The following CYREN variants were observed in gnomAD, a reference collection of about 807,000 sequenced individuals.
CYREN encodes the protein cell cycle regulator of non-homologous end joining.
CYREN carries 7 observed loss-of-function variants against 9.7 expected under a neutral mutation model. The ratio of observed to expected loss-of-function variants is 0.72; its 90% confidence interval spans 0.41 to 1.36. CYREN has a LOEUF of 1.36. Among genes scored for constraint, CYREN ranks in the 40% most tolerant of loss-of-function variants. CYREN has a pLI of 0.01. For missense variants in CYREN, 215 were observed against 198.1 expected (o/e 1.09, Z -0.51); for synonymous variants, 76 against 77.9 (o/e 0.98, Z 0.13).
Position 135,103,025 on chromosome 7 carries a change from C to T in CYREN, n.357-8443G>A, listed in dbSNP as rs532469057. Among the ~76,000 whole-genome samples, 10 of 152,284 alleles carry T rather than the reference C, an allele frequency of 6.6e-5. No homozygotes were observed. The East Asian group carries it at 1.9e-3, about 29-fold the overall frequency. ...TTACCAAATGTACAACCAATAAAGG[C>T]CTTGTTTTATACCTATGTCATTTCT... On this transcript the variant is annotated intron_variant and non_coding_transcript_variant, in intron 2 of 2. Transcript: ENST00000459937.
chr7:135,131,200 A>T lies in CYREN; in HGVS notation n.357-36618T>A, dbSNP rs567044773. ...AGCTGGAAGCCATCATCTTCAGCAAACTTAATACAGGAACAGAAAACCAAA... is the reference window on the plus strand; with the variant it reads ...AGCTGGAAGCCATCATCTTCAGCAATCTTAATACAGGAACAGAAAACCAAA... On this transcript the variant is annotated intron_variant and non_coding_transcript_variant, in intron 2 of 2. Transcript: ENST00000459937. Among the ~76,000 whole-genome samples the T allele has an allele frequency of 2.5e-4, 38 of 152,310 alleles. No homozygotes were observed. The South Asian group carries it at 5.4e-3, about 22-fold the overall frequency.
intron 2 of CYREN, among the ~76,000 whole-genome samples, chr7:135,130,710 G>A (rs1828621182): frequency 6.6e-6 from 1 of 152,034 alleles, no homozygotes; most frequent in African/African-American, 2.4e-5. Flanking sequence ...AGTATAACCT[G>A]TCTATACCAC....
chr7:135,112,778 ATTTTTATT>A, intron 2 of CYREN, among the ~76,000 whole-genome samples: 1 of 152,234 alleles, frequency 6.6e-6, no homozygotes, highest in South Asian at 2.1e-4. Flanking sequence ...CTGAATGTTT[ATTTTTATT>A]TTTTTGAGAT....
chr7:135,104,185 G>C (rs1369842478), intron 2 of CYREN, among the ~76,000 whole-genome samples: 1 of 151,980 alleles, frequency 6.6e-6, no homozygotes, highest in Non-Finnish European at 1.5e-5. Flanking sequence ...TTCTGTTCCT[G>C]TGCTAGTTTG....
intron 2 of CYREN, among the ~76,000 whole-genome samples, chr7:135,104,368 T>C (rs1824325343): frequency 6.6e-6 from 1 of 152,218 alleles, no homozygotes; most frequent in Non-Finnish European, 1.5e-5. Context: ...ACAATAGCAA[T>C]GAATAGCGTT....
At chr7:135,093,937 A>G (rs1822248100) in exon 3 of CYREN, 1 of 160,424 alleles carries the variant, frequency 6.2e-6, no homozygotes. Context: ...ATGTAAATAA[A>G]CCTTTATATA....
chr7:135,167,042 CT>C (rs1390269748), intron 3 of CYREN, 171 bp from the exon 4 acceptor site: 56 of 985,048 alleles, frequency 5.7e-5, no homozygotes, highest in Non-Finnish European at 6.4e-5. Context: ...ACTCCTTCCC[CT>C]GACCCCCTCT....
chr7:135,098,000 T>C (rs1759805704), intron 2 of CYREN, among the ~76,000 whole-genome samples: 2 of 152,176 alleles, frequency 1.3e-5, no homozygotes, highest in African/African-American at 4.8e-5. Context: ...TGACATTCAA[T>C]GTGCTTTAGA....
At position 135,132,934 on chromosome 7, in the gene CYREN, C is replaced by A. The variant is rs376362999; in HGVS notation, n.356+35815G>T. Among the ~76,000 whole-genome samples the A allele has an allele frequency of 2.0e-4, 30 of 151,974 alleles. No homozygotes were observed. The East Asian group carries it at 5.2e-3, about 26-fold the overall frequency. On this transcript the variant is annotated intron_variant and non_coding_transcript_variant, in intron 2 of 2. Coordinates refer to the CYREN transcript ENST00000459937. ...ATTGTGCTAGAAGTTCTAGCCACTG[C>A]AATAAGGCAATAAAAAAATAAAAAG...
intron 2 of CYREN, among the ~76,000 whole-genome samples, chr7:135,138,804 C>T (rs1173431541): frequency 1.3e-5 from 2 of 151,924 alleles, no homozygotes; most frequent in African/African-American, 4.8e-5. Flanking sequence ...TCCATGTGTA[C>T]CTAATGTTTA....
chr7:135,134,828 A>T, intron 2 of CYREN: 1 of 1,546,158 alleles, frequency 6.5e-7, no homozygotes, highest in Non-Finnish European at 8.7e-7. Flanking sequence ...CACGTATTTC[A>T]TTTCTTTTCT....
chr7:135,096,582 T>TAG (rs1277250389), intron 2 of CYREN, among the ~76,000 whole-genome samples: 25 of 35,702 alleles, frequency 7.0e-4, no homozygotes, highest in African/African-American at 1.8e-3. Flanking sequence ...GATAGATAGA[T>TAG]ACATAGATAG....
chr7:135,162,618 G>A (rs760613608), downstream of CYREN, among the ~76,000 whole-genome samples: 11 of 152,102 alleles, frequency 7.2e-5, no homozygotes, highest in Non-Finnish European at 1.0e-4. Flanking sequence ...AAAACCATCA[G>A]ATATCATGAG....
At chr7:135,128,713 C>G in intron 2 of CYREN, 1 of 1,367,274 alleles carries the variant, frequency 7.3e-7, no homozygotes, top group African/African-American at 1.4e-5. Context: ...AAGATTGATT[C>G]TCAGAAAAAA....
In CYREN at chr7:135,121,500, A is replaced by T. The variant is rs142613168; in HGVS notation, n.357-26918T>A. ...AAAGAATTTAAATCATAGAAAGTGT[A>T]TATCTGACCACAATGGAATCCAACT... is the stretch of plus-strand genomic sequence containing the variant. On this transcript the variant is annotated intron_variant and non_coding_transcript_variant, in intron 2 of 2. Transcript: ENST00000459937. Among the ~76,000 whole-genome samples the T allele has an allele frequency of 7.9e-5, 12 of 152,164 alleles. No individual in the cohort carries two copies. The East Asian group carries it at 2.1e-3, about 27-fold the overall frequency.
chr7:135,107,465 T>C (rs914434603), intron 2 of CYREN, among the ~76,000 whole-genome samples: 1 of 152,248 alleles, frequency 6.6e-6, no homozygotes, highest in Non-Finnish European at 1.5e-5. Flanking sequence ...CTTAACTTCA[T>C]TATTTACCCG....
chr7:135,153,464 A>AG, intron 2 of CYREN, among the ~76,000 whole-genome samples: 1 of 151,832 alleles, frequency 6.6e-6, no homozygotes, highest in Admixed American at 6.6e-5. Context: ...CACAAAAAAA[A>AG]AAAAAAAAAA....
Position 135,170,632 on chromosome 7 carries a change from T to C in CYREN, c.-139+20A>G, listed in dbSNP as rs1243376857. ...GAGCCGGGAGGCAAATTCCAAGCGGTTGTGGGACCCACGCCTCACCCGGAA... is the reference window on the plus strand; with the variant it reads ...GAGCCGGGAGGCAAATTCCAAGCGGCTGTGGGACCCACGCCTCACCCGGAA... On this transcript the variant is annotated intron_variant, in intron 1 of 3. Transcript: ENST00000393114. The C allele has an allele frequency of 6.6e-6, 1 of 152,256 alleles. No individual in the cohort carries two copies. The highest frequency in any genetic ancestry group is 1.9e-4 in the East Asian group (1 of 5,186). The allele number at this position is 152,256 out of a possible 1,614,324, so 9.4% of individuals were successfully genotyped here. A position where few individuals can be genotyped will look rare whatever the true frequency, so the allele number is the denominator to read the frequency against.
intron 2 of CYREN, among the ~76,000 whole-genome samples, chr7:135,099,505 A>T (rs1013397508): frequency 5.3e-5 from 8 of 152,204 alleles, no homozygotes; most frequent in African/African-American, 1.9e-4. Flanking sequence ...CAGATATTTT[A>T]TGGTATATTC....
Sources: allele counts gnomAD v4.1 joint callset (sites outside exome capture counted in the v4.1 genomes callset), GRCh38; gene constraint gnomAD v4.1.1; transcripts MANE v1.5; gene names NCBI Gene and HGNC (gene_info 2026-07-23, HGNC 2026-07-21).